Variants in CABLES1 observed in about 807,000 individuals in gnomAD.
CABLES1 encodes CDK5 and ABL1 enzyme substrate 1.
CABLES1 carries 36 observed loss-of-function variants against 57.8 expected under a neutral mutation model. The ratio of observed to expected loss-of-function variants is 0.62; its 90% CI spans 0.48 to 0.82. The LOEUF is 0.82. Among genes scored for constraint, CABLES1 ranks in the 40% least tolerant of loss-of-function variants. The pLI is 0.00. For synonymous variants in CABLES1, 374 were observed against 363.0 expected (o/e 1.03, Z -0.35); for missense variants, 767 against 836.6 (o/e 0.92, Z 1.03).
intron 1 of CABLES1, among the ~76,000 whole-genome samples, chr18:23,147,507 C>G (rs1024741930): frequency 2.0e-5 from 3 of 152,256 alleles, no homozygotes; most frequent in Admixed American, 6.5e-5. Context: ...CACAATTGCA[C>G]TGCACCTTAC....
chr18:23,223,612 G>C (rs2047506172), intron 4 of CABLES1, among the ~76,000 whole-genome samples: 1 of 151,454 alleles, frequency 6.6e-6, no homozygotes, highest in Admixed American at 6.6e-5. Context: ...TGGCGGGGGG[G>C]CATTTTTCCC....
At chr18:23,230,462 C>G (rs777130614) in intron 4 of CABLES1, among the ~76,000 whole-genome samples, 2 of 152,192 alleles carry the variant, frequency 1.3e-5, no homozygotes, top group Non-Finnish European at 1.5e-5. Flanking sequence ...ATGCCCACGC[C>G]TGTACGTGTA....
chr18:23,153,092 G>A (rs1427263075), intron 1 of CABLES1, among the ~76,000 whole-genome samples: 5 of 151,034 alleles, frequency 3.3e-5, no homozygotes, highest in Middle Eastern at 3.2e-3. Context: ...GAGCCACTAC[G>A]CCTGGCTGGT....
rs1031763716 is a variant in CABLES1, at chr18:23,257,891, T to G, written c.*524T>G. The G allele has an allele frequency of 1.3e-5, 2 of 152,404 alleles. No individual in the cohort carries two copies. Among genetic ancestry groups the G allele is most frequent in the Non-Finnish European group, 2.9e-5 (2 of 68,316 alleles). The allele number at this position is 152,404 out of a possible 1,614,324, so 9.4% of individuals were successfully genotyped here. On this transcript the variant is annotated 3_prime_UTR_variant, in exon 10 of 10. Transcript: ENST00000256925. ...GTGGGTGTGTGAATGTGCAAGTGTC[T>G]GAGAGATACTGCATCAGCCCTAGAC...
intron 2 of CABLES1, among the ~76,000 whole-genome samples, chr18:23,191,419 G>A (rs777650754): frequency 3.3e-5 from 5 of 152,136 alleles, no homozygotes; most frequent in Admixed American, 6.5e-5. Context: ...AATTGACTTA[G>A]TGTCTCTGGG....
Position 23,214,052 on chromosome 18 carries a change from C to T in CABLES1, c.1086C>T (p.Val362=), listed in dbSNP as rs773978841. The change falls in exon 4 of 10, where the codon GTC becomes GTT. Residue 362 remains valine (V), a splice_region_variant and synonymous_variant. Transcript: ENST00000256925. ...SVLPYRDSTQ[V]GDLKLDGGRQ... Reference sequence around the variant, plus strand: ...TGCCGTATCGCGACAGTACCCAAGTCGGGTATGTATATGCATGCATGCTTT... The same window carrying T: ...TGCCGTATCGCGACAGTACCCAAGTTGGGTATGTATATGCATGCATGCTTT... The T allele has an allele frequency of 6.8e-6, 11 of 1,608,874 alleles. No homozygotes were observed. The Admixed American group carries it at 1.0e-4, about 15-fold the overall frequency.
intron 1 of CABLES1, among the ~76,000 whole-genome samples, chr18:23,166,589 A>C (rs2047044425): frequency 6.6e-6 from 1 of 152,238 alleles, no homozygotes; most frequent in Admixed American, 6.5e-5. Context: ...ATAACAGAGA[A>C]ATTCAAATTA....
chr18:23,157,023 C>T (rs2046970344), intron 1 of CABLES1, among the ~76,000 whole-genome samples: 1 of 152,166 alleles, frequency 6.6e-6, no homozygotes, highest in African/African-American at 2.4e-5. Context: ...TTTTTTGCCA[C>T]TTTGTACACA....
At chr18:23,143,845 C>A (rs997899112) in intron 1 of CABLES1, among the ~76,000 whole-genome samples, 20 of 152,124 alleles carry the variant, frequency 1.3e-4, no homozygotes, top group African/African-American at 4.6e-4. Flanking sequence ...CCTGGGCTGT[C>A]AGAGGGACCC....
intron 3 of CABLES1, among the ~76,000 whole-genome samples, chr18:23,213,546 T>G (rs2047419614): frequency 6.6e-6 from 1 of 152,182 alleles, no homozygotes; most frequent in Non-Finnish European, 1.5e-5. Flanking sequence ...GGCCTCTGAG[T>G]GTCTTTCCTG....
intron 3 of CABLES1, among the ~76,000 whole-genome samples, chr18:23,209,699 G>T (rs143832451): frequency 6.4e-4 from 98 of 152,284 alleles, no homozygotes; most frequent in African/African-American, 2.1e-3. Context: ...TGTAAGAGAT[G>T]AGACCTTCTC....
At position 23,259,710 on chromosome 18, in the gene CABLES1, G is replaced by A. The variant is rs1434184444; in HGVS notation, c.*2343G>A. On this transcript the variant is annotated 3_prime_UTR_variant, in exon 10 of 10. Coordinates refer to ENST00000256925, the MANE Select transcript of CABLES1 (RefSeq NM_001100619.3). ...GCAGGTCACTGCCAGAGGCACCTCTGTGACACGGAACATTCCAGACACGTC... is the reference window on the plus strand; with the variant it reads ...GCAGGTCACTGCCAGAGGCACCTCTATGACACGGAACATTCCAGACACGTC... The A allele has an allele frequency of 1.3e-5, 2 of 152,244 alleles. No individual in the cohort carries two copies. The highest frequency in any genetic ancestry group is 4.1e-4 in the South Asian group (2 of 4,832). 9.4% of individuals were successfully genotyped at this position (152,244 alleles called of 1,614,324 possible). A position where few individuals can be genotyped will look rare whatever the true frequency, so the allele number is the denominator to read the frequency against.
At chr18:23,238,874 C>A (rs931635926) in intron 7 of CABLES1, among the ~76,000 whole-genome samples, 10 of 152,182 alleles carry the variant, frequency 6.6e-5, no homozygotes, top group Admixed American at 2.0e-4. Context: ...CAGTCAGCCC[C>A]ACAACTGCCG....
At chr18:23,209,829 G>C (rs1315665078) in intron 3 of CABLES1, among the ~76,000 whole-genome samples, 1 of 152,194 alleles carries the variant, frequency 6.6e-6, no homozygotes, top group African/African-American at 2.4e-5. Context: ...GGGCTGAGGG[G>C]GTAAAAACAG....
At chr18:23,243,974 C>A (rs939207375) in intron 7 of CABLES1, among the ~76,000 whole-genome samples, 1 of 152,108 alleles carries the variant, frequency 6.6e-6, no homozygotes, top group East Asian at 1.9e-4. Flanking sequence ...TTTTGACAGT[C>A]GCTTCGTGAT....
chr18:23,243,829 G>A (rs1485335188), intron 7 of CABLES1, among the ~76,000 whole-genome samples: 6 of 145,906 alleles, frequency 4.1e-5, no homozygotes, highest in South Asian at 2.2e-4. Context: ...CCGAGATCAC[G>A]CCACTGTACC....
At chr18:23,226,732 G>T (rs976554546) in intron 4 of CABLES1, among the ~76,000 whole-genome samples, 17 of 152,112 alleles carry the variant, frequency 1.1e-4, no homozygotes, top group Admixed American at 7.9e-4. Flanking sequence ...TATGCATAAG[G>T]GAACCGACAC....
chr18:23,257,021 C>A, intron 9 of CABLES1: 2 of 580,506 alleles, frequency 3.4e-6, no homozygotes, highest in Non-Finnish European at 6.0e-6. Context: ...TTCCGGGCAG[C>A]CCCTCGGGAA....
chr18:23,164,170 G>C (rs1015391628), intron 1 of CABLES1, among the ~76,000 whole-genome samples: 8 of 152,340 alleles, frequency 5.3e-5, no homozygotes, highest in African/African-American at 1.9e-4. Context: ...ACTTTCCCCT[G>C]AAGTATCTAA....
Sources: gnomAD v4.1 joint callset for allele counts (sites outside exome capture counted in the v4.1 genomes callset) on GRCh38, gnomAD v4.1.1 for gene constraint, MANE v1.5 for transcripts, NCBI Gene and HGNC (gene_info 2026-07-23, HGNC 2026-07-21) for gene names.